The following GRM6 variants were observed in gnomAD, a reference collection of about 807,000 sequenced individuals.
GRM6 encodes the protein metabotropic glutamate receptor 6.
Under a neutral mutation model 78.4 loss-of-function variants are expected in GRM6, and 73 were observed. The ratio of observed to expected loss-of-function variants is 0.93; its 90% confidence interval spans 0.77 to 1.13. The LOEUF (loss-of-function observed/expected upper bound fraction) is 1.13. Among genes scored for constraint, GRM6 ranks in the 50% most tolerant of loss-of-function variants. The pLI, the probability that GRM6 is intolerant of heterozygous loss-of-function variation, is 0.00. For synonymous variants in GRM6, 580 were observed against 555.0 expected, an observed-to-expected ratio of 1.05 and a Z score of -0.63; for missense variants, 1,251 against 1,256.4, an observed-to-expected ratio of 1.00 and a Z score of 0.07.
rs867170507 is a variant in GRM6 at position 178,992,495 on chromosome 5, G to A, written c.505-412C>T. On this transcript the variant is annotated intron_variant, in intron 2 of 10. Transcript: ENST00000517717. This position sits in a 1 kb window ranked among gnomAD's most constrained non-coding sequence, Gnocchi z 4.9. ...CTTGATTCACACCAAGGGGTGGTCC[G>A]CAGGGACAGGCAGCCCTAGGAGGGA... 8.4e-6 allele frequency: 3 copies of A among 357,948 alleles called. No homozygotes were observed. Among genetic ancestry groups the A allele is most frequent in the Non-Finnish European group, 1.1e-5 (2 of 179,792 alleles). The allele number at this position is 357,948 out of a possible 1,614,324, so 22.2% of individuals were successfully genotyped here.
Position 178,986,536 on chromosome 5 carries a change from G to A in GRM6, c.1718C>T (p.Pro573Leu), listed in dbSNP as rs1760556852. 2.5e-6 allele frequency: 4 copies of A among 1,608,080 alleles called. No individual in the cohort carries two copies. The African/African-American group carries it at 5.3e-5, about 21-fold the overall frequency. The change falls in exon 9 of 11, where the codon CCC (proline) becomes CTC (leucine). Residue 573 changes from proline (P) to leucine (L), a missense_variant. Pro to Leu is a moderately conservative substitution (Grantham distance 98). Transcript: ENST00000517717. ...RPTPNHTGCR[P>L]TPVVRLSWSS... The stretch of plus-strand genomic sequence containing the variant: ...CCAGCTCAGGCGCACCACAGGTGTG[G>A]GGCGGCAGCCCGTGTGGTTGGGCGT...
chr5:178,991,795 GC>G lies in GRM6; in HGVS notation c.721+71del. 7.4e-7 allele frequency: 1 copy of G among 1,351,604 alleles called. No homozygotes were observed. The highest frequency in any genetic ancestry group is 1.1e-6 in the Non-Finnish European group (1 of 952,266). 83.7% of individuals were successfully genotyped at this position (1,351,604 alleles called of 1,614,324 possible). A position where few individuals can be genotyped will look rare whatever the true frequency, so the allele number is the denominator to read the frequency against. Reference sequence around the variant, plus strand: ...ATGGACCTGGGCCCCCCATCTTTCTGCTTCTGCCCCAACTGAGGGCCCCGGG... The same window carrying G: ...ATGGACCTGGGCCCCCCATCTTTCTGTTCTGCCCCAACTGAGGGCCCCGGG... On this transcript the variant is annotated intron_variant, in intron 3 of 10. Coordinates refer to ENST00000517717, the MANE Select transcript of GRM6 (RefSeq NM_000843.4). This position sits in a 1 kb window ranked among gnomAD's most constrained non-coding sequence, Gnocchi z 5.0.
In GRM6 at chr5:178,988,654, G is replaced by A. The variant is rs1760610882; in HGVS notation, c.1354+281C>T. 6.6e-6 allele frequency among the ~76,000 whole-genome samples: 1 copy of A among 152,186 alleles called. No individual in the cohort carries two copies. Among genetic ancestry groups the A allele is most frequent in the Non-Finnish European group, 1.5e-5 (1 of 68,024 alleles). On this transcript the variant is annotated intron_variant, in intron 7 of 10. Coordinates refer to ENST00000517717, the MANE Select transcript of GRM6 (RefSeq NM_000843.4). The surrounding 1 kb of genome is among the most constrained non-coding windows in gnomAD (Gnocchi z 6.0). ...AGCTCTGCGCAGTGGAGGGGAGTGT[G>A]GTGTGACCCACTGGGGGTTCCTGGC...
Position 178,991,556 on chromosome 5 carries a change from C to T in GRM6, c.725G>A (p.Gly242Glu), listed in dbSNP as rs748683264. The T allele has an allele frequency of 6.2e-7, 1 of 1,613,812 alleles. No homozygotes were observed. Among genetic ancestry groups the T allele is most frequent in the African/African-American group, 1.3e-5 (1 of 74,972 alleles). Residue 242 changes from glycine (G) to glutamate (E), a missense_variant, in exon 4 of 11, where the codon GGG (glycine) becomes GAG (glutamate). Physicochemically the swap from Gly to Glu is moderately conservative, Grantham distance 98. Coordinates refer to ENST00000517717, the MANE Select transcript of GRM6 (RefSeq NM_000843.4). The surrounding 1 kb of genome is among the most constrained non-coding windows in gnomAD (Gnocchi z 5.0). ...CTTGATAGACTGGGCAATACAGACC[C>T]CCCCTGGGCGTTGGGGGTGCCAGAG... ...AFVQISREAG[G>E]VCIAQSIKIP...
intron 6 of GRM6, 65 bp from the exon 7 acceptor site, chr5:178,989,200 T>C: frequency 7.5e-7 from 1 of 1,333,662 alleles, no homozygotes; most frequent in Non-Finnish European, 1.0e-6. Context: ...CCTCCCGCCT[T>C]CCCCCTCCCC....
At position 178,988,982 on chromosome 5, in the gene GRM6, G is replaced by C; in HGVS notation, c.1307C>G (p.Thr436Ser). ...GTACTGCAGAAGCATCCGCCCATCA[G>C]TGGGTTCCATCGCCGGGCACAGGCC... ...HTGLCPAMEPTDGRMLLQYIR... is the reference protein window; with the variant it reads ...HTGLCPAMEPSDGRMLLQYIR... Residue 436 changes from threonine to serine, a missense_variant, in exon 7 of 11, where the codon ACT becomes AGT. Coordinates refer to ENST00000517717, the MANE Select transcript of GRM6 (RefSeq NM_000843.4). The surrounding 1 kb of genome is among the most constrained non-coding windows in gnomAD (Gnocchi z 6.0). The C allele has an allele frequency of 1.2e-6, 2 of 1,614,054 alleles. No homozygotes were observed. Among genetic ancestry groups the C allele is most frequent in the Non-Finnish European group, 1.7e-6 (2 of 1,179,980 alleles).
At chr5:178,983,372 C>A (rs777158877) in intron 9 of GRM6, 151 bp from the exon 10 acceptor site, 2 of 756,120 alleles carry the variant, frequency 2.6e-6, no homozygotes, top group Non-Finnish European at 4.6e-6. Context: ...CAGGAGCACT[C>A]AGTGGAGAAG....
Position 178,989,382 on chromosome 5 carries a change from G to C in GRM6, c.1036C>G (p.Arg346Gly). ...IDGFDQYFMT[R>G]SLENNRRNIW... ...TTCCTGCGGTTGTTCTCCAGGGATC[G>C]AGTCATGAAGTACTGGTCAAATCCT... Residue 346 changes from arginine (R) to glycine (G), a missense_variant, in exon 6 of 11, where the codon CGA becomes GGA. By Grantham distance (125) the Arg-to-Gly change is moderately radical. Transcript: ENST00000517717. 6.2e-7 allele frequency: 1 copy of C among 1,613,984 alleles called. No individual in the cohort carries two copies.
chr5:178,979,118 G>T lies in GRM6; in HGVS notation c.*2539C>A, dbSNP rs555692701. 1.3e-5 allele frequency: 2 copies of T among 152,310 alleles called. No individual in the cohort carries two copies. The highest frequency in any genetic ancestry group is 3.9e-4 in the East Asian group (2 of 5,172). The allele number at this position is 152,310 out of a possible 1,614,324, so 9.4% of individuals were successfully genotyped here. The stretch of plus-strand genomic sequence containing the variant: ...AATAAAACATTAGCTGGGTATGGTC[G>T]TGCGCACCAGCTACTCAGGAGGCTG... On this transcript the variant is annotated 3_prime_UTR_variant, in exon 11 of 11. Transcript: ENST00000517717.
chr5:178,984,233 C>T (rs141971819), intron 9 of GRM6, among the ~76,000 whole-genome samples: 122 of 152,236 alleles, frequency 8.0e-4, no homozygotes, highest in African/African-American at 2.5e-3. Flanking sequence ...GGCTGCACAG[C>T]GGTAACCACC....
chr5:178,985,624 A>G (rs150382113), intron 9 of GRM6: 19,111 of 366,634 alleles, frequency 0.052, 598 homozygotes, highest in Non-Finnish European at 0.054. Context: ...AATGGCGTGA[A>G]CCCGGAAGGC....
intron 5 of GRM6, chr5:178,989,701 CT>C: frequency 4.8e-5 from 24 of 504,606 alleles, no homozygotes; most frequent in Admixed American, 1.9e-4. Context: ...AACTCAGAGC[CT>C]CACCATTTGA....
rs1760451988 is a variant in GRM6, at chr5:178,983,632, C to T, written c.2125-411G>A. ...GCCCTACTCGCATCGCCTCTCTAGC[C>T]TCCTCACGTGTACTGAGCTTCAAAA... On this transcript the variant is annotated intron_variant, in intron 9 of 10. Transcript: ENST00000517717. The T allele has an allele frequency of 7.4e-5, 28 of 375,868 alleles. 1 individual carries two copies. Among genetic ancestry groups the T allele is most frequent in the South Asian group, 5.6e-4 (28 of 50,118 alleles). The allele number at this position is 375,868 out of a possible 1,614,324, so 23.3% of individuals were successfully genotyped here. A position where few individuals can be genotyped will look rare whatever the true frequency, so the allele number is the denominator to read the frequency against.
rs986210410 is a variant in GRM6 at position 178,994,914 on chromosome 5, G to C, written c.31C>G (p.Leu11Val). 8.3e-7 allele frequency: 1 copy of C among 1,207,412 alleles called. No homozygotes were observed. 74.8% of individuals were successfully genotyped at this position (1,207,412 alleles called of 1,614,324 possible). A position where few individuals can be genotyped will look rare whatever the true frequency, so the allele number is the denominator to read the frequency against. Residue 11 changes from leucine (L) to valine (V), a missense_variant, in exon 2 of 11, where the codon CTG (leucine) becomes GTG (valine). Coordinates refer to ENST00000517717, the MANE Select transcript of GRM6 (RefSeq NM_000843.4). Reference protein sequence around the residue: MARPRRAREPLLVALLPLAWL... With the variant: MARPRRAREPVLVALLPLAWL... ...GCCAGCGGCAGCAGCGCCACGAGCA[G>C]CGGCTCCCGGGCTCTCCGGGGCCGC...
rs1760699922 is a variant in GRM6, at chr5:178,992,539, C to T, written c.505-456G>A. On this transcript the variant is annotated intron_variant, in intron 2 of 10. Transcript: ENST00000517717. The surrounding 1 kb of genome is among the most constrained non-coding windows in gnomAD (Gnocchi z 4.9). Reference sequence around the variant, plus strand: ...GGAGGGATTAGGGCAGACAGGGGAGCAGCAGGGGATGTTCCATTTAAAGCT... The same window carrying T: ...GGAGGGATTAGGGCAGACAGGGGAGTAGCAGGGGATGTTCCATTTAAAGCT... 2 of 318,676 alleles carry T rather than the reference C, an allele frequency of 6.3e-6. No homozygotes were observed. The highest frequency in any genetic ancestry group is 1.3e-5 in the Non-Finnish European group (2 of 159,618). The allele number at this position is 318,676 out of a possible 1,614,324, so 19.7% of individuals were successfully genotyped here.
At chr5:178,985,379 G>T (rs988536549) in intron 9 of GRM6, 2 of 389,392 alleles carry the variant, frequency 5.1e-6, no homozygotes, top group Non-Finnish European at 1.0e-5. Context: ...TCACAGGAGG[G>T]GAGGGGCTCC....
rs1760718673 is a variant in GRM6, at chr5:178,993,534, C to G, written c.504+907G>C. 2.0e-5 allele frequency among the ~76,000 whole-genome samples: 3 copies of G among 152,092 alleles called. No individual in the cohort carries two copies. In the South Asian group the frequency reaches 6.2e-4, roughly 32 times the overall value. On this transcript the variant is annotated intron_variant, in intron 2 of 10. Coordinates refer to ENST00000517717, the MANE Select transcript of GRM6 (RefSeq NM_000843.4). ...CCTGGAACAAACACAGACGCTGCGC[C>G]CGGGAGTCGGAGAAGCTCTCAGGAA...
chr5:178,983,570 A>G, intron 9 of GRM6: 1 of 454,088 alleles, frequency 2.2e-6, no homozygotes, highest in Non-Finnish European at 4.4e-6. Context: ...GCGCCCCTTC[A>G]AGGTAGATGG....
rs1343651676 is a variant in GRM6, at chr5:178,994,775, C to A, written c.170G>T (p.Cys57Phe). ...VHARGAAGRA[C>F]GQLKKEQGVH... ...GCCCTGCTCCTTCTTCAGCTGCCCG[C>A]ACGCCCGGCCCGCCGCGCCCCGCGC... The change falls in exon 2 of 11, where the codon TGC becomes TTC. Residue 57 changes from cysteine to phenylalanine, a missense_variant. Coordinates refer to ENST00000517717, the MANE Select transcript of GRM6 (RefSeq NM_000843.4). 7.4e-7 allele frequency: 1 copy of A among 1,355,240 alleles called. No homozygotes were observed. The highest frequency in any genetic ancestry group is 9.6e-7 in the Non-Finnish European group (1 of 1,047,108). The allele number at this position is 1,355,240 out of a possible 1,614,324, so 84.0% of individuals were successfully genotyped here. A position where few individuals can be genotyped will look rare whatever the true frequency, so the allele number is the denominator to read the frequency against.
Sources: allele counts gnomAD v4.1 joint callset (sites outside exome capture counted in the v4.1 genomes callset), GRCh38; gene constraint gnomAD v4.1.1; non-coding constraint Gnocchi (gnomAD v3.1); transcripts MANE v1.5; gene names NCBI Gene and HGNC (gene_info 2026-07-23, HGNC 2026-07-21).